Variants in MYO5B observed in about 807,000 individuals in gnomAD.
MYO5B encodes unconventional myosin-Vb.
Under a neutral mutation model 229.3 loss-of-function variants are expected in MYO5B, and 143 were observed. The ratio of observed to expected loss-of-function variants is 0.62; its 90% CI spans 0.54 to 0.72. The LOEUF (loss-of-function observed/expected upper bound fraction) is 0.72, where lower values mean the gene tolerates loss of function less well. MYO5B is among the 30% of genes least tolerant of loss of function. MYO5B has a pLI of 0.00. For missense variants in MYO5B, 2,321 were observed against 2,331.0 expected (o/e 1.00, Z 0.09); for synonymous variants, 918 against 885.2 (o/e 1.04, Z -0.66).
At chr18:49,987,673 C>G (rs2025885649) in intron 7 of MYO5B, among the ~76,000 whole-genome samples, 5 of 152,148 alleles carry the variant, frequency 3.3e-5, no homozygotes, top group Non-Finnish European at 7.3e-5. Flanking sequence ...AGGCTATGCT[C>G]TGACCTATGC....
chr18:49,934,583 G>C (rs145859074), intron 16 of MYO5B, among the ~76,000 whole-genome samples: 191 of 152,260 alleles, frequency 1.3e-3, no homozygotes, highest in African/African-American at 4.4e-3. Context: ...TCTCCCCTGG[G>C]CCCTGCACAG....
intron 1 of MYO5B, among the ~76,000 whole-genome samples, chr18:50,079,867 T>C (rs2031176029): frequency 6.6e-6 from 1 of 152,332 alleles, no homozygotes; most frequent in Non-Finnish European, 1.5e-5. Context: ...CAGCGTAGTC[T>C]ATCCTAGGGC....
At chr18:50,147,800 G>C (rs2032529138) in intron 1 of MYO5B, among the ~76,000 whole-genome samples, 1 of 152,028 alleles carries the variant, frequency 6.6e-6, no homozygotes, top group Non-Finnish European at 1.5e-5. Flanking sequence ...AAATATTAAG[G>C]AACCTGCTTT....
chr18:49,993,656 T>C (rs2144314757), intron 5 of MYO5B, among the ~76,000 whole-genome samples: 1 of 152,056 alleles, frequency 6.6e-6, no homozygotes, highest in Non-Finnish European at 1.5e-5. Flanking sequence ...TCCAAACGGG[T>C]CAAACTGTCC....
At chr18:50,063,566 C>T (rs111656794) in intron 1 of MYO5B, among the ~76,000 whole-genome samples, 4,231 of 152,150 alleles carry the variant, frequency 0.028, 195 homozygotes, top group African/African-American at 0.097. Flanking sequence ...TGAGCAACCT[C>T]GGGGGAGAGG....
chr18:50,135,160 C>T (rs978445086), intron 1 of MYO5B, among the ~76,000 whole-genome samples: 1 of 152,212 alleles, frequency 6.6e-6, no homozygotes, highest in African/African-American at 2.4e-5. Flanking sequence ...TGTATCCTGC[C>T]TCATATTCCT....
At chr18:49,868,335 G>A (rs1296942810) in intron 27 of MYO5B, among the ~76,000 whole-genome samples, 3 of 152,094 alleles carry the variant, frequency 2.0e-5, no homozygotes, top group Admixed American at 2.0e-4. Context: ...AAAAACACTC[G>A]AAGGATCTTC....
At chr18:49,837,482 T>C in intron 37 of MYO5B, 35 bp downstream of exon 37, 1 of 1,612,868 alleles carries the variant, frequency 6.2e-7, no homozygotes, top group Non-Finnish European at 8.5e-7. Context: ...GAGGGCCCAC[T>C]CTATCTGTGT....
intron 22 of MYO5B, among the ~76,000 whole-genome samples, chr18:49,893,805 C>A (rs918376795): frequency 2.6e-5 from 4 of 152,232 alleles, no homozygotes; most frequent in Admixed American, 1.3e-4. Flanking sequence ...GGCTCTATAA[C>A]CTCCACGGAT....
intron 10 of MYO5B, among the ~76,000 whole-genome samples, chr18:49,973,990 T>C (rs2025717852): frequency 6.6e-6 from 1 of 152,358 alleles, no homozygotes; most frequent in African/African-American, 2.4e-5. Flanking sequence ...AACTTGAATT[T>C]AAGTTCCATT....
At chr18:50,069,927 C>T (rs868171600) in intron 1 of MYO5B, among the ~76,000 whole-genome samples, 1 of 151,750 alleles carries the variant, frequency 6.6e-6, no homozygotes, top group South Asian at 2.1e-4. Context: ...ATAATGTCAA[C>T]ATCAAACTCA....
chr18:49,880,696 G>C (rs2024576990), intron 22 of MYO5B, among the ~76,000 whole-genome samples: 1 of 152,182 alleles, frequency 6.6e-6, no homozygotes, highest in South Asian at 2.1e-4. Flanking sequence ...ATCATGAAAA[G>C]TCTATCACAA....
intron 29 of MYO5B, among the ~76,000 whole-genome samples, chr18:49,858,614 G>A (rs2024291093): frequency 6.6e-6 from 1 of 152,200 alleles, no homozygotes; most frequent in South Asian, 2.1e-4. Flanking sequence ...AGCTCTCTAG[G>A]GTGGGGCACG....
chr18:50,186,806 G>A (rs970293701), intron 1 of MYO5B, among the ~76,000 whole-genome samples: 1 of 152,160 alleles, frequency 6.6e-6, no homozygotes, highest in African/African-American at 2.4e-5. Flanking sequence ...GGCTTAGAAA[G>A]TATCTGTTCC....
At chr18:50,099,781 A>G (rs930693944) in intron 1 of MYO5B, among the ~76,000 whole-genome samples, 1 of 152,214 alleles carries the variant, frequency 6.6e-6, no homozygotes, top group Non-Finnish European at 1.5e-5. Context: ...TCTTGTACTT[A>G]TGTTCCCCCT....
intron 23 of MYO5B, 103 bp downstream of exon 23, chr18:49,880,268 G>A: frequency 2.1e-6 from 2 of 958,802 alleles, no homozygotes; most frequent in Non-Finnish European, 1.7e-6. Flanking sequence ...TTTCCCCACT[G>A]TAGCCTCTAG....
At chr18:50,177,153 A>AT (rs11386707) in intron 1 of MYO5B, among the ~76,000 whole-genome samples, 64,360 of 151,508 alleles carry the variant, frequency 0.42, 14,044 homozygotes, top group African/African-American at 0.53. Context: ...AGGCCATCTT[A>AT]TTTTTTTAAA....
At chr18:49,961,184 C>T (rs1273390924) in intron 12 of MYO5B, among the ~76,000 whole-genome samples, 2 of 152,310 alleles carry the variant, frequency 1.3e-5, no homozygotes, top group Non-Finnish European at 1.5e-5. Context: ...TTAGCCAATG[C>T]TACTCAATCT....
At chr18:50,051,556 C>G (rs1299440525) in intron 2 of MYO5B, among the ~76,000 whole-genome samples, 2 of 152,196 alleles carry the variant, frequency 1.3e-5, no homozygotes, top group African/African-American at 4.8e-5. Context: ...CCAGGCAGAG[C>G]ATGCAGAAGC....
Sources: allele counts gnomAD v4.1 joint callset (sites outside exome capture counted in the v4.1 genomes callset), GRCh38; gene constraint gnomAD v4.1.1; transcripts MANE v1.5; gene names NCBI Gene and HGNC (gene_info 2026-07-23, HGNC 2026-07-21).